The following SCHIP1 variants were observed in gnomAD, a reference collection of about 807,000 sequenced individuals.
SCHIP1 encodes schwannomin-interacting protein 1.
A neutral mutation model predicts 29.7 loss-of-function variants in SCHIP1; 8 were observed. The ratio of observed to expected loss-of-function variants is 0.27; its 90% CI spans 0.16 to 0.49. The LOEUF is 0.49. Ranked by LOEUF, SCHIP1 falls within the 20% of genes least tolerant of loss-of-function variation. The probability of loss-of-function intolerance (pLI) is 0.99; values close to 1 mark genes in which losing one functional copy is unlikely to be tolerated. For missense variants in SCHIP1, 193 were observed against 294.6 expected, an observed-to-expected ratio of 0.66 and a Z score of 2.52; for synonymous variants, 76 against 94.9, an observed-to-expected ratio of 0.80 and a Z score of 1.16.
At chr3:159,401,510 C>CTAT in the SCHIP1 span, 5 of 213,752 alleles carry the variant, frequency 2.3e-5, no homozygotes, top group African/African-American at 1.2e-4. Context: ...GTGATAGGTA[C>CTAT]TATTTTCATC....
the SCHIP1 span, among the ~76,000 whole-genome samples, chr3:159,693,851 T>G: frequency 5.9e-4 from 90 of 152,316 alleles, no homozygotes; most frequent in Admixed American, 9.8e-4. Flanking sequence ...AGAAATTGTT[T>G]CAAAAAGTAA....
the SCHIP1 span, among the ~76,000 whole-genome samples, chr3:159,609,761 A>T: frequency 2.0e-5 from 3 of 152,124 alleles, no homozygotes; most frequent in East Asian, 5.8e-4. Flanking sequence ...TGTGAGAGAT[A>T]AACATCTGTC....
the SCHIP1 span, among the ~76,000 whole-genome samples, chr3:159,551,433 C>A: frequency 2.6e-5 from 4 of 152,232 alleles, no homozygotes; most frequent in South Asian, 2.1e-4. Flanking sequence ...TCTTTTCCTC[C>A]CCCTTTATCA....
At chr3:159,772,834 G>A in the SCHIP1 span, among the ~76,000 whole-genome samples, 6 of 152,102 alleles carry the variant, frequency 3.9e-5, no homozygotes, top group African/African-American at 1.2e-4. Flanking sequence ...TCCGCCTCCC[G>A]GGTTCAAGTG....
the SCHIP1 span, among the ~76,000 whole-genome samples, chr3:159,604,282 G>C: frequency 6.6e-6 from 1 of 152,156 alleles, no homozygotes; most frequent in African/African-American, 2.4e-5. Context: ...GTCATAAGCA[G>C]CCTGAGAATT....
chr3:159,690,909 TGTGA>T, the SCHIP1 span, among the ~76,000 whole-genome samples: 3 of 152,116 alleles, frequency 2.0e-5, no homozygotes, highest in East Asian at 5.8e-4. Flanking sequence ...TGCAGTTTTG[TGTGA>T]GTTTCTTAAT....
the SCHIP1 span, among the ~76,000 whole-genome samples, chr3:159,389,562 G>A: frequency 6.6e-6 from 1 of 151,952 alleles, no homozygotes; most frequent in Non-Finnish European, 1.5e-5. Flanking sequence ...TTGCATATAT[G>A]TATTAAAATA....
At chr3:159,691,529 C>A in the SCHIP1 span, among the ~76,000 whole-genome samples, 2 of 151,400 alleles carry the variant, frequency 1.3e-5, no homozygotes, top group African/African-American at 2.4e-5. Flanking sequence ...ATACAGCACA[C>A]CAATCGGTCT....
At chr3:159,344,693 G>A in the SCHIP1 span, among the ~76,000 whole-genome samples, 1 of 152,082 alleles carries the variant, frequency 6.6e-6, no homozygotes, top group Admixed American at 6.6e-5. Context: ...AAATAAACAT[G>A]GTAACTAAAT....
the SCHIP1 span, among the ~76,000 whole-genome samples, chr3:159,417,062 G>A: frequency 6.6e-6 from 1 of 152,180 alleles, no homozygotes; most frequent in Non-Finnish European, 1.5e-5. Flanking sequence ...ACAGAGGTTG[G>A]GTGTTCAATT....
chr3:159,743,654 C>T, the SCHIP1 span, among the ~76,000 whole-genome samples: 40 of 152,224 alleles, frequency 2.6e-4, no homozygotes, highest in South Asian at 1.0e-3. Flanking sequence ...AGCTGGAGAA[C>T]GGATTAGTAC....
At chr3:159,800,033 G>C in the SCHIP1 span, among the ~76,000 whole-genome samples, 10 of 152,148 alleles carry the variant, frequency 6.6e-5, no homozygotes, top group African/African-American at 2.4e-4. Context: ...GAAGAAGAAA[G>C]TAGTGCTTTC....
At chr3:159,565,432 T>C in the SCHIP1 span, among the ~76,000 whole-genome samples, 1 of 152,212 alleles carries the variant, frequency 6.6e-6, no homozygotes, top group African/African-American at 2.4e-5. Context: ...CACCTGACTC[T>C]GGACTTCTGC....
At chr3:159,896,663 T>C in intron 6 of SCHIP1, 60 bp from the exon 8 acceptor site, 1 of 1,493,792 alleles carries the variant, frequency 6.7e-7, no homozygotes, top group Non-Finnish European at 9.0e-7. Context: ...TAGCTATTGA[T>C]TGAAAAGCAG....
the SCHIP1 span, among the ~76,000 whole-genome samples, chr3:159,337,084 C>G: frequency 2.6e-5 from 4 of 152,064 alleles, no homozygotes; most frequent in Non-Finnish European, 4.4e-5. Flanking sequence ...ATAAACAGAA[C>G]CAATGAAGAA....
chr3:159,478,014 C>T, the SCHIP1 span, among the ~76,000 whole-genome samples: 1 of 150,756 alleles, frequency 6.6e-6, no homozygotes, highest in Non-Finnish European at 1.5e-5. Context: ...CCTCCATCTC[C>T]TGGGTTCAAG....
chr3:159,399,249 C>A, the SCHIP1 span, among the ~76,000 whole-genome samples: 1 of 152,342 alleles, frequency 6.6e-6, no homozygotes, highest in South Asian at 2.1e-4. Flanking sequence ...ATTGTAATCA[C>A]AGCCCCTTCC....
At chr3:159,734,021 A>T in the SCHIP1 span, among the ~76,000 whole-genome samples, 1 of 152,172 alleles carries the variant, frequency 6.6e-6, no homozygotes, top group Non-Finnish European at 1.5e-5. Flanking sequence ...CAAATCCAGA[A>T]AGCAGTGTCA....
the SCHIP1 span, among the ~76,000 whole-genome samples, chr3:159,696,092 T>G: frequency 6.6e-6 from 1 of 152,232 alleles, no homozygotes; most frequent in African/African-American, 2.4e-5. Context: ...TATCACATTT[T>G]TTTCCAAAGC....
Sources: gnomAD v4.1 joint callset for allele counts (sites outside exome capture counted in the v4.1 genomes callset) on GRCh38, gnomAD v4.1.1 for gene constraint, MANE v1.5 for transcripts, NCBI Gene and HGNC (gene_info 2026-07-23, HGNC 2026-07-21) for gene names.